TRIQK: variants seen among roughly 807,000 people sequenced by gnomAD.
The protein encoded by TRIQK is triple QxxK/R motif containing, also known as triple QxxK/R motif-containing protein.
TRIQK carries 10 observed loss-of-function variants against 10.8 expected under a neutral mutation model. That is an observed-to-expected ratio of 0.92 (90% CI 0.57 to 1.57). The LOEUF is 1.57. Ranked by LOEUF, TRIQK falls within the 40% of genes most tolerant of loss-of-function variation. TRIQK has a pLI of 0.00. For missense variants in TRIQK, 107 were observed against 97.7 expected, an observed-to-expected ratio of 1.09 and a Z score of -0.40; for synonymous variants, 33 against 33.7, an observed-to-expected ratio of 0.98 and a Z score of 0.07.
chr8:92,990,135 T>G (rs190554361), intron 1 of TRIQK, among the ~76,000 whole-genome samples: 13 of 152,316 alleles, frequency 8.5e-5, no homozygotes, highest in African/African-American at 3.1e-4. Context: ...ACTATAAAGC[T>G]GGAATCACCA....
intron 3 of TRIQK, among the ~76,000 whole-genome samples, chr8:92,895,872 A>G (rs1013948193): frequency 1.3e-5 from 2 of 152,206 alleles, no homozygotes; most frequent in Non-Finnish European, 2.9e-5. Flanking sequence ...CAATTAAAAG[A>G]GAAACAGGAG....
intron 1 of TRIQK, among the ~76,000 whole-genome samples, chr8:93,005,906 C>A (rs1297297768): frequency 6.6e-6 from 1 of 151,936 alleles, no homozygotes; most frequent in African/African-American, 2.4e-5. Flanking sequence ...AGGTAAAACA[C>A]CCTAAAGACT....
intron 3 of TRIQK, among the ~76,000 whole-genome samples, chr8:92,905,415 A>C (rs759633120): frequency 5.9e-5 from 9 of 152,232 alleles, no homozygotes; most frequent in Non-Finnish European, 1.3e-4. Context: ...CACAAATTTA[A>C]GTGGCAAATC....
At chr8:92,962,052 C>T (rs1812487038) in intron 1 of TRIQK, among the ~76,000 whole-genome samples, 1 of 152,220 alleles carries the variant, frequency 6.6e-6, no homozygotes, top group Non-Finnish European at 1.5e-5. Flanking sequence ...AAACATACAC[C>T]TATCTCACTC....
intron 2 of TRIQK, among the ~76,000 whole-genome samples, chr8:92,951,261 T>C (rs1811889354): frequency 6.6e-6 from 1 of 152,112 alleles, no homozygotes; most frequent in Admixed American, 6.6e-5. Flanking sequence ...TATCATAGGC[T>C]TCCAGTTTCC....
rs991746924 is a variant in TRIQK, at chr8:92,885,606, A to G, written c.*1016T>C. 2 of 151,850 alleles carry G rather than the reference A, an allele frequency of 1.3e-5. No homozygotes were observed. The highest frequency in any genetic ancestry group is 1.3e-4 in the Admixed American group (2 of 15,188). 9.4% of individuals were successfully genotyped at this position (151,850 alleles called of 1,614,324 possible). A position where few individuals can be genotyped will look rare whatever the true frequency, so the allele number is the denominator to read the frequency against. On this transcript the variant is annotated 3_prime_UTR_variant, in exon 5 of 5. Coordinates refer to ENST00000521988, the MANE Select transcript of TRIQK (RefSeq NM_001171797.2). ...CCCACAAATACAAAATACATTGAAA[A>G]ATTATATCAACAGATAATTACATAT... is the stretch of plus-strand genomic sequence containing the variant.
chr8:92,960,725 A>G (rs1255828170), intron 1 of TRIQK: 2 of 152,238 alleles, frequency 1.3e-5, no homozygotes, highest in Admixed American at 6.5e-5. Context: ...AGAAACTACA[A>G]AAGACAAGGA....
upstream of TRIQK, among the ~76,000 whole-genome samples, chr8:92,970,791 T>C (rs944629228): frequency 6.6e-6 from 1 of 152,192 alleles, no homozygotes; most frequent in African/African-American, 2.4e-5. Flanking sequence ...GCAGAAGCTC[T>C]TTAGTTTAAT....
chr8:92,893,169 T>G (rs1329927938), intron 3 of TRIQK, among the ~76,000 whole-genome samples: 1 of 151,976 alleles, frequency 6.6e-6, no homozygotes, highest in Non-Finnish European at 1.5e-5. Context: ...TGGTCTAAAC[T>G]CAAGTATATC....
intron 3 of TRIQK, among the ~76,000 whole-genome samples, chr8:92,896,548 C>A (rs1479478627): frequency 1.3e-5 from 2 of 152,156 alleles, no homozygotes; most frequent in African/African-American, 4.8e-5. Context: ...AGACTCCAAC[C>A]TGTGAGAGCT....
chr8:92,984,004 G>A (rs1479583772), intron 1 of TRIQK, among the ~76,000 whole-genome samples: 1 of 151,866 alleles, frequency 6.6e-6, no homozygotes, highest in Non-Finnish European at 1.5e-5. Flanking sequence ...TCCAAGTTTC[G>A]GTTACGTGAA....
chr8:92,978,518 T>C (rs1006039977), intron 1 of TRIQK, among the ~76,000 whole-genome samples: 1 of 152,132 alleles, frequency 6.6e-6, no homozygotes, highest in African/African-American at 2.4e-5. Context: ...TCTAGGAGGA[T>C]GTTTCATTTG....
At chr8:92,962,204 T>C (rs957425478) in intron 1 of TRIQK, among the ~76,000 whole-genome samples, 11 of 152,348 alleles carry the variant, frequency 7.2e-5, no homozygotes, top group African/African-American at 2.2e-4. Flanking sequence ...ATCAAATATG[T>C]ATCACTATTT....
chr8:92,914,705 C>G (rs145256307), intron 3 of TRIQK, among the ~76,000 whole-genome samples: 1 of 151,984 alleles, frequency 6.6e-6, no homozygotes, highest in Admixed American at 6.6e-5. Context: ...ATGTCTCACA[C>G]GTGTTAGGAT....
Position 92,885,081 on chromosome 8 carries a change from G to A in TRIQK, c.*1541C>T, listed in dbSNP as rs1406491160. 1 of 444,980 alleles carries A rather than the reference G, an allele frequency of 2.2e-6. No individual in the cohort carries two copies. The highest frequency in any genetic ancestry group is 4.6e-6 in the Non-Finnish European group (1 of 218,028). The allele number at this position is 444,980 out of a possible 1,614,324, so 27.6% of individuals were successfully genotyped here. On this transcript the variant is annotated 3_prime_UTR_variant, in exon 5 of 5. Coordinates refer to ENST00000521988, the MANE Select transcript of TRIQK (RefSeq NM_001171797.2). ...CTTGAGTCTGTGAGTTCAAAGGGAA[G>A]AATCTAGTAAATAACACCGGCTAAA...
At chr8:92,900,611 A>G (rs932844463) in intron 3 of TRIQK, among the ~76,000 whole-genome samples, 4 of 152,054 alleles carry the variant, frequency 2.6e-5, no homozygotes, top group Admixed American at 2.6e-4. Context: ...GTCTGGTTTT[A>G]TGTGAGTACC....
chr8:92,906,722 C>A (rs368757873), intron 3 of TRIQK, among the ~76,000 whole-genome samples: 14 of 126,504 alleles, frequency 1.1e-4, no homozygotes, highest in South Asian at 2.7e-4. Context: ...CCGTCTCTAT[C>A]AAAAAAAAAA....
At chr8:92,909,557 T>G (rs1301427716) in intron 3 of TRIQK, among the ~76,000 whole-genome samples, 1 of 151,842 alleles carries the variant, frequency 6.6e-6, no homozygotes, top group African/African-American at 2.4e-5. Flanking sequence ...TTTTCAATGC[T>G]TGGACATAAC....
At chr8:92,983,202 T>C (rs1813002362) in intron 1 of TRIQK, among the ~76,000 whole-genome samples, 1 of 151,950 alleles carries the variant, frequency 6.6e-6, no homozygotes, top group South Asian at 2.1e-4. Flanking sequence ...ACACTACTAG[T>C]TTTGTCAGAC....
Sources: allele counts gnomAD v4.1 joint callset (sites outside exome capture counted in the v4.1 genomes callset), GRCh38; gene constraint gnomAD v4.1.1; transcripts MANE v1.5; gene names NCBI Gene and HGNC (gene_info 2026-07-23, HGNC 2026-07-21).